THUMPD2: variants seen among roughly 807,000 people sequenced by gnomAD.
THUMPD2 encodes the protein THUMP domain 2 tRNA and snRNA guanosine methyltransferase.
A neutral mutation model predicts 49.4 loss-of-function variants in THUMPD2; 56 were observed. That is an observed-to-expected ratio of 1.13 (90% CI 0.91 to 1.41). The LOEUF is 1.41. Ranked by LOEUF, THUMPD2 falls within the 40% of genes most tolerant of loss-of-function variation. The pLI is 0.00. For synonymous variants in THUMPD2, 237 were observed against 205.2 expected, an observed-to-expected ratio of 1.15 and a Z score of -1.32; for missense variants, 709 against 594.5, an observed-to-expected ratio of 1.19 and a Z score of -2.00.
intron 9 of THUMPD2, 34 bp downstream of exon 9, chr2:39,744,336 T>C (rs756879572): frequency 1.4e-6 from 2 of 1,405,438 alleles, no homozygotes; most frequent in Non-Finnish European, 1.9e-6. Context: ...GCCCAGTAGC[T>C]AAAAAAATTA....
chr2:39,758,873 A>T (rs1676466516), intron 6 of THUMPD2, among the ~76,000 whole-genome samples: 2 of 152,174 alleles, frequency 1.3e-5, no homozygotes, highest in Non-Finnish European at 2.9e-5. Flanking sequence ...AAATAGAATT[A>T]CTAATTACTG....
intron 5 of THUMPD2, among the ~76,000 whole-genome samples, chr2:39,764,258 G>A (rs1271327240): frequency 6.6e-6 from 1 of 152,186 alleles, no homozygotes; most frequent in African/African-American, 2.4e-5. Flanking sequence ...AGAAACAGCA[G>A]GAAAGATTTT....
At chr2:39,770,403 T>C (rs73924938) in intron 2 of THUMPD2, among the ~76,000 whole-genome samples, 2,430 of 152,234 alleles carry the variant, frequency 0.016, 75 homozygotes, top group African/African-American at 0.055. Flanking sequence ...TATGGTAATA[T>C]ATGTATCTCT....
chr2:39,757,282 G>T (rs1033597938), intron 6 of THUMPD2: 6 of 796,066 alleles, frequency 7.5e-6, no homozygotes, highest in Non-Finnish European at 1.1e-5. Flanking sequence ...CGAGATAGGG[G>T]AGAAAAGACA....
At chr2:39,757,301 T>G (rs1374814994) in intron 6 of THUMPD2, 1 of 967,722 alleles carries the variant, frequency 1.0e-6, no homozygotes, top group South Asian at 1.3e-5. Flanking sequence ...CATCCACCAC[T>G]TGATATGTCT....
intron 3 of THUMPD2, chr2:39,768,795 G>A: frequency 1.2e-6 from 1 of 863,926 alleles, no homozygotes; most frequent in Non-Finnish European, 1.6e-6. Flanking sequence ...TGATAAATAT[G>A]ATCATTCTGG....
At chr2:39,755,029 C>T (rs1018771053) in intron 8 of THUMPD2, among the ~76,000 whole-genome samples, 4 of 113,050 alleles carry the variant, frequency 3.5e-5, no homozygotes, top group Non-Finnish European at 7.4e-5. Flanking sequence ...GGTTCAGATG[C>T]AACACTTTTT....
rs144024165 is a variant in THUMPD2 at position 39,736,969 on chromosome 2, G to C, written c.1278C>G (p.Phe426Leu). 3.7e-5 allele frequency: 59 copies of C among 1,613,964 alleles called. No individual in the cohort carries two copies. The highest frequency in any genetic ancestry group is 4.8e-5 in the Non-Finnish European group (57 of 1,180,010). Residue 426 changes from phenylalanine (F) to leucine (L), a missense_variant, in exon 10 of 10, where the codon TTC becomes TTG. Phe to Leu is a conservative substitution (Grantham distance 22, BLOSUM62 0). Coordinates refer to ENST00000505747, the MANE Select transcript of THUMPD2 (RefSeq NM_025264.5). ...LTDCKESNIP[F>L]NSKDSHTDEP... ...CATCTGTGTGACTGTCCTTGGAATT[G>C]AAAGGGATGTTGCTCTCTTTACAAT...
At chr2:39,771,365 T>C in intron 2 of THUMPD2, 140 bp downstream of exon 2, 2 of 920,326 alleles carry the variant, frequency 2.2e-6, no homozygotes, top group Non-Finnish European at 1.6e-6. Context: ...ATTCAGGAAA[T>C]ACAGAAAAAT....
intron 8 of THUMPD2, among the ~76,000 whole-genome samples, chr2:39,751,356 T>G (rs896331466): frequency 6.6e-6 from 1 of 152,238 alleles, no homozygotes; most frequent in African/African-American, 2.4e-5. Flanking sequence ...AAAGCACAAC[T>G]GTTGCCAATA....
At chr2:39,763,022 A>G (rs937952114) in intron 5 of THUMPD2, among the ~76,000 whole-genome samples, 3 of 152,078 alleles carry the variant, frequency 2.0e-5, no homozygotes, top group African/African-American at 7.2e-5. Context: ...GGGCCCCATT[A>G]TATCAGTATA....
chr2:39,754,815 A>G (rs888090817), intron 8 of THUMPD2, among the ~76,000 whole-genome samples: 2 of 152,304 alleles, frequency 1.3e-5, no homozygotes, highest in South Asian at 2.1e-4. Context: ...TGCTGATTTT[A>G]GCACTAAAAG....
In THUMPD2 at chr2:39,768,272, A is replaced by G. The variant is rs1265788470; in HGVS notation, c.750+152T>C. ...AACTGCTAGCAAAACTATCTGTACTATTCTACTGCTAAAGATAAAATGGAC... is the reference window on the plus strand; with the variant it reads ...AACTGCTAGCAAAACTATCTGTACTGTTCTACTGCTAAAGATAAAATGGAC... On this transcript the variant is annotated intron_variant, in intron 4 of 9. Transcript: ENST00000505747. 18 of 669,964 alleles carry G rather than the reference A, an allele frequency of 2.7e-5. No individual in the cohort carries two copies. The East Asian group carries it at 5.1e-4, about 19-fold the overall frequency. The allele number at this position is 669,964 out of a possible 1,614,324, so 41.5% of individuals were successfully genotyped here. A position where few individuals can be genotyped will look rare whatever the true frequency, so the allele number is the denominator to read the frequency against.
At chr2:39,755,034 CTTTT>C (rs67098813) in intron 8 of THUMPD2, among the ~76,000 whole-genome samples, 2 of 151,386 alleles carry the variant, frequency 1.3e-5, no homozygotes, top group Non-Finnish European at 3.0e-5. Flanking sequence ...AGATGCAACA[CTTTT>C]TTTTTCTTTT....
In THUMPD2 at chr2:39,737,023, A is replaced by G; in HGVS notation, c.1224T>C (p.Leu408=). The stretch of plus-strand genomic sequence containing the variant: ...TAAGGCGCCTGTGGTGATCTTCACT[A>G]AGCAACAATACAATGGTTCCGCCAA... The part of the protein sequence containing the change: ...LHVGGTIVLL[L]SEDHHRRLTD... The change falls in exon 10 of 10, where the codon CTT becomes CTC. Residue 408 remains leucine, a synonymous_variant. Transcript: ENST00000505747. 1.2e-6 allele frequency: 2 copies of G among 1,613,680 alleles called. No homozygotes were observed. Among genetic ancestry groups the G allele is most frequent in the Non-Finnish European group, 8.5e-7 (1 of 1,179,682 alleles).
At chr2:39,766,589 G>T (rs1217721167) in intron 4 of THUMPD2, among the ~76,000 whole-genome samples, 1 of 152,204 alleles carries the variant, frequency 6.6e-6, no homozygotes, top group East Asian at 1.9e-4. Context: ...ATAAGTTTCT[G>T]TCTTTCTTTA....
intron 9 of THUMPD2, among the ~76,000 whole-genome samples, chr2:39,742,086 G>GAAC (rs1159752604): frequency 1.3e-5 from 2 of 152,028 alleles, no homozygotes; most frequent in African/African-American, 4.8e-5. Flanking sequence ...TGTGACTGAA[G>GAAC]AACTATTAAG....
intron 4 of THUMPD2, among the ~76,000 whole-genome samples, chr2:39,766,605 TTTC>T (rs1677553790): frequency 6.6e-6 from 1 of 152,238 alleles, no homozygotes; most frequent in African/African-American, 2.4e-5. Flanking sequence ...CTTTATTTTC[TTTC>T]TTCTGTTAGG....
intron 8 of THUMPD2, among the ~76,000 whole-genome samples, chr2:39,748,090 G>A (rs1307224424): frequency 2.6e-5 from 4 of 152,170 alleles, no homozygotes; most frequent in Admixed American, 2.0e-4. Context: ...TCTTCCTGCT[G>A]CCAGCTTTAA....
Sources: allele counts gnomAD v4.1 joint callset (sites outside exome capture counted in the v4.1 genomes callset), GRCh38; gene constraint gnomAD v4.1.1; transcripts MANE v1.5; gene names NCBI Gene and HGNC (gene_info 2026-07-23, HGNC 2026-07-21).